Variants in TM7SF2 observed in about 807,000 individuals in gnomAD.
TM7SF2 encodes the protein delta(14)-sterol reductase TM7SF2.
A neutral mutation model predicts 51.0 loss-of-function variants in TM7SF2; 51 were observed. The ratio of observed to expected loss-of-function variants is 1.00; its 90% CI spans 0.80 to 1.26. The LOEUF (loss-of-function observed/expected upper bound fraction) is 1.26, where lower values mean the gene tolerates loss of function less well. Ranked by LOEUF, TM7SF2 falls within the 50% of genes most tolerant of loss-of-function variation. TM7SF2 has a pLI of 0.00. For missense variants in TM7SF2, 541 were observed against 547.4 expected, an observed-to-expected ratio of 0.99 and a Z score of 0.12; for synonymous variants, 255 against 241.0, an observed-to-expected ratio of 1.06 and a Z score of -0.54.
In TM7SF2 at chr11:65,112,024, C is replaced by T; in HGVS notation, c.9C>T (p.Pro3=). Residue 3 remains proline (P), a synonymous_variant, in exon 1 of 10, where the codon CCC becomes CCT. Transcript: ENST00000279263. MA[P]TQGPRAPLEF... is the part of the protein sequence containing the mutation. The stretch of plus-strand genomic sequence containing the variant: ...CCGGCGGAGCGGAGACCATGGCCCC[C>T]ACTCAGGGCCCCCGGGCCCCGCTGG... 6.3e-7 allele frequency: 1 copy of T among 1,589,252 alleles called. No homozygotes were observed. Among genetic ancestry groups the T allele is most frequent in the Non-Finnish European group, 8.6e-7 (1 of 1,169,146 alleles).
chr11:65,113,246 C>T lies in TM7SF2; in HGVS notation c.331C>T (p.Leu111=), dbSNP rs1947933832. The part of the protein sequence containing the change: ...NGFQALVLTA[L]LVGLGMSAGL... ...CTTCCAGGCCCTGGTGCTGACAGCC[C>T]TGTTGGTGGGGCTGGGGATGTCAGC... The change falls in exon 4 of 10, where the codon CTG becomes TTG. Residue 111 remains leucine (L), a synonymous_variant. Coordinates refer to ENST00000279263, the MANE Select transcript of TM7SF2 (RefSeq NM_003273.6). 1.9e-6 allele frequency: 3 copies of T among 1,604,770 alleles called. No individual in the cohort carries two copies. Among genetic ancestry groups the T allele is most frequent in the Non-Finnish European group, 2.5e-6 (3 of 1,179,744 alleles).
chr11:65,113,443 G>A (rs1233263343), intron 4 of TM7SF2, 29 bp downstream of exon 4: 1 of 1,614,202 alleles, frequency 6.2e-7, no homozygotes, highest in Non-Finnish European at 8.5e-7. Flanking sequence ...TGGAGACGGA[G>A]GCAGATTGGG....
chr11:65,116,171 G>A lies in TM7SF2; in HGVS notation c.*118G>A. ...TTGCACCCCACCCAGCCCTGAGGAT[G>A]AACAACCTCAGAGAAGAGGTGGTTT... is the stretch of plus-strand genomic sequence containing the variant. On this transcript the variant is annotated 3_prime_UTR_variant, in exon 10 of 10. Coordinates refer to ENST00000279263, the MANE Select transcript of TM7SF2 (RefSeq NM_003273.6). The A allele has an allele frequency of 1.5e-6, 2 of 1,355,662 alleles. No individual in the cohort carries two copies. The highest frequency in any genetic ancestry group is 9.9e-7 in the Non-Finnish European group (1 of 1,011,460). 84.0% of individuals were successfully genotyped at this position (1,355,662 alleles called of 1,614,324 possible). A position where few individuals can be genotyped will look rare whatever the true frequency, so the allele number is the denominator to read the frequency against.
chr11:65,116,057 G>A lies in TM7SF2; in HGVS notation c.*4G>A, dbSNP rs1218102691. On this transcript the variant is annotated 3_prime_UTR_variant, in exon 10 of 10. Coordinates refer to ENST00000279263, the MANE Select transcript of TM7SF2 (RefSeq NM_003273.6). ...CATCATGCCCTACATCTACTGAAGC[G>A]GCTCCACCACCCCAGGTGGGGGCAT... 3 of 1,601,530 alleles carry A rather than the reference G, an allele frequency of 1.9e-6. No individual in the cohort carries two copies. Among genetic ancestry groups the A allele is most frequent in the African/African-American group, 1.3e-5 (1 of 74,770 alleles).
At chr11:65,112,431 G>A (rs1460524084) in intron 1 of TM7SF2, 84 bp from the exon 2 acceptor site, 9 of 1,376,852 alleles carry the variant, frequency 6.5e-6, no homozygotes, top group African/African-American at 1.5e-5. Context: ...AGAGGGTCCC[G>A]CAGAGACGTC....
chr11:65,112,318 C>T (rs925123973), intron 1 of TM7SF2, 197 bp from the exon 2 acceptor site: 62 of 675,676 alleles, frequency 9.2e-5, no homozygotes, highest in Non-Finnish European at 1.4e-4. Context: ...GGCCTGGGGG[C>T]GGGGGACTAA....
Position 65,115,094 on chromosome 11 carries a change from G to A in TM7SF2, c.892+13G>A. ...TGCCTCATCAATGGTCAGTCAGGAA[G>A]GGGCAGCAGGCTGGGCCCATCTTCC... On this transcript the variant is annotated intron_variant, in intron 7 of 9. Coordinates refer to ENST00000279263, the MANE Select transcript of TM7SF2 (RefSeq NM_003273.6). 6.2e-7 allele frequency: 1 copy of A among 1,611,198 alleles called. No individual in the cohort carries two copies. Among genetic ancestry groups the A allele is most frequent in the Non-Finnish European group, 8.5e-7 (1 of 1,178,526 alleles).
Position 65,112,586 on chromosome 11 carries a change from G to A in TM7SF2, c.124G>A (p.Ala42Thr). 1 of 1,518,786 alleles carries A rather than the reference G, an allele frequency of 6.6e-7. No homozygotes were observed. Among genetic ancestry groups the A allele is most frequent in the Non-Finnish European group, 8.8e-7 (1 of 1,141,212 alleles). 94.1% of individuals were successfully genotyped at this position (1,518,786 alleles called of 1,614,324 possible). A position where few individuals can be genotyped will look rare whatever the true frequency, so the allele number is the denominator to read the frequency against. ...HLLLAARSGP[A>T]RLLGPPASLP... ...GCTCCTGGCGGCCCGTTCGGGCCCC[G>A]CGCGCCTGCTGGGTCCACCCGCGTC... is the stretch of plus-strand genomic sequence containing the variant. The change falls in exon 2 of 10, where the codon GCG becomes ACG. Residue 42 changes from alanine (A) to threonine (T), a missense_variant. By Grantham distance (58) the Ala-to-Thr change is moderately conservative. Transcript: ENST00000279263.
At position 65,112,565 on chromosome 11, in the gene TM7SF2, C is replaced by T. The variant is rs1349454663; in HGVS notation, c.103C>T (p.Leu35=). Residue 35 remains leucine, a synonymous_variant, in exon 2 of 10, where the codon CTG becomes TTG. Coordinates refer to ENST00000279263, the MANE Select transcript of TM7SF2 (RefSeq NM_003273.6). ...GCCCGCCACCATGTTCCACCTGCTC[C>T]TGGCGGCCCGTTCGGGCCCCGCGCG... ...LLPATMFHLL[L]AARSGPARLL... is the part of the protein sequence containing the mutation. 2.6e-6 allele frequency: 4 copies of T among 1,526,896 alleles called. No individual in the cohort carries two copies. Among genetic ancestry groups the T allele is most frequent in the East Asian group, 2.6e-5 (1 of 37,840 alleles). The allele number at this position is 1,526,896 out of a possible 1,614,324, so 94.6% of individuals were successfully genotyped here.
At chr11:65,112,421 A>C in intron 1 of TM7SF2, 94 bp from the exon 2 acceptor site, 1 of 1,326,408 alleles carries the variant, frequency 7.5e-7, no homozygotes, top group African/African-American at 1.6e-5. Context: ...GGGAATGCCG[A>C]GAGGGTCCCG....
chr11:65,114,858 G>GTGTC, intron 6 of TM7SF2, 26 bp downstream of exon 6: 2 of 1,614,204 alleles, frequency 1.2e-6, no homozygotes, highest in South Asian at 2.2e-5. Flanking sequence ...ACGAGGGTGG[G>GTGTC]TGTCTGAGGG....
Position 65,116,133 on chromosome 11 carries a change from G to C in TM7SF2, c.*80G>C. 1 of 1,512,594 alleles carries C rather than the reference G, an allele frequency of 6.6e-7. No individual in the cohort carries two copies. Among genetic ancestry groups the C allele is most frequent in the Non-Finnish European group, 8.9e-7 (1 of 1,124,266 alleles). The allele number at this position is 1,512,594 out of a possible 1,614,324, so 93.7% of individuals were successfully genotyped here. On this transcript the variant is annotated 3_prime_UTR_variant, in exon 10 of 10. Transcript: ENST00000279263. ...CAGGACCAGGAGCCTCGACACACTT[G>C]GGACTCAAGGGCTTGCACCCCACCC... is the stretch of plus-strand genomic sequence containing the variant.
intron 8 of TM7SF2, 22 bp downstream of exon 8, chr11:65,115,416 A>G: frequency 1.2e-6 from 2 of 1,614,112 alleles, no homozygotes; most frequent in Non-Finnish European, 1.7e-6. Context: ...CTCTAGGGCC[A>G]TGGGTGAGGT....
intron 5 of TM7SF2, 91 bp downstream of exon 5, chr11:65,113,685 A>G: frequency 9.3e-7 from 1 of 1,071,838 alleles, no homozygotes; most frequent in African/African-American, 1.6e-5. Flanking sequence ...AAAACTGTGC[A>G]GATGCGAGTC....
At position 65,115,771 on chromosome 11, in the gene TM7SF2, GCAGACC is replaced by G. The variant is rs770255839; in HGVS notation, c.1097-120_1097-115del. Reference sequence around the variant, plus strand: ...CCAACCTAGTACCGTGTGCTTTGCTGCAGACCCTGGCGCTTTTGCTGCTGAGCCCCG... The same window carrying G: ...CCAACCTAGTACCGTGTGCTTTGCTGCTGGCGCTTTTGCTGCTGAGCCCCG... On this transcript the variant is annotated intron_variant, in intron 9 of 9. Coordinates refer to ENST00000279263, the MANE Select transcript of TM7SF2 (RefSeq NM_003273.6). 6 of 1,575,936 alleles carry G rather than the reference GCAGACC, an allele frequency of 3.8e-6. No homozygotes were observed. The South Asian group carries it at 4.5e-5, about 12-fold the overall frequency.
At chr11:65,112,099 A>G in intron 1 of TM7SF2, 32 bp downstream of exon 1, 5 of 1,582,004 alleles carry the variant, frequency 3.2e-6, no homozygotes, top group Non-Finnish European at 4.3e-6. Context: ...ACCTGGGGCA[A>G]AGGCTAAGCG....
Position 65,111,888 on chromosome 11 carries a change from C to CAGGCAG in TM7SF2, c.-127_-122dup. 8.9e-7 allele frequency: 1 copy of CAGGCAG among 1,121,228 alleles called. No homozygotes were observed. Among genetic ancestry groups the CAGGCAG allele is most frequent in the Non-Finnish European group, 1.3e-6 (1 of 761,684 alleles). The allele number at this position is 1,121,228 out of a possible 1,614,324, so 69.5% of individuals were successfully genotyped here. On this transcript the variant is annotated 5_prime_UTR_variant, in exon 1 of 10. Transcript: ENST00000279263. ...GCGGTCCTTGTCTGCGTTCCGTGTC[C>CAGGCAG]AGGCAGGTGCAGGCGCCGCGGGGCC... is the stretch of plus-strand genomic sequence containing the variant.
At chr11:65,112,197 G>A (rs1389981359) in intron 1 of TM7SF2, 130 bp downstream of exon 1, 5 of 945,856 alleles carry the variant, frequency 5.3e-6, no homozygotes, top group South Asian at 4.9e-5. Context: ...GGGACCCGGG[G>A]GTTTGCAGCG....
intron 1 of TM7SF2, chr11:65,112,278 C>T: frequency 1.6e-6 from 1 of 644,964 alleles, no homozygotes; most frequent in Non-Finnish European, 2.6e-6. Flanking sequence ...TTTATGGTGT[C>T]GACTGGGAGC....
Sources: allele counts gnomAD v4.1 joint callset, GRCh38; gene constraint gnomAD v4.1.1; transcripts MANE v1.5; gene names NCBI Gene and HGNC (gene_info 2026-07-23, HGNC 2026-07-21).